The following FRK variants were observed in gnomAD, a reference collection of about 807,000 sequenced individuals.
FRK encodes fyn related Src family tyrosine kinase.
FRK carries 51 observed loss-of-function variants against 56.4 expected under a neutral mutation model. The observed-to-expected ratio is 0.90, with a 90% CI of 0.72 to 1.14. The LOEUF (loss-of-function observed/expected upper bound fraction) is 1.14, where lower values mean the gene tolerates loss of function less well. Among genes scored for constraint, FRK ranks in the 50% most tolerant of loss-of-function variants. The pLI, the probability that FRK is intolerant of heterozygous loss-of-function variation, is 0.00. For missense variants in FRK, 570 were observed against 601.4 expected (o/e 0.95, Z 0.55); for synonymous variants, 245 against 217.9 (o/e 1.12, Z -1.10).
chr6:116,070,008 CCTCA>C, the FRK span, among the ~76,000 whole-genome samples: 2 of 152,044 alleles, frequency 1.3e-5, no homozygotes, highest in Non-Finnish European at 2.9e-5. Flanking sequence ...ATCAGCAAAT[CCTCA>C]CTATCACCCA....
At chr6:116,013,339 T>C (rs1455785839) in intron 1 of FRK, among the ~76,000 whole-genome samples, 1 of 152,098 alleles carries the variant, frequency 6.6e-6, no homozygotes, top group African/African-American at 2.4e-5. Context: ...CTATCCTCTA[T>C]TTGGGGAAGA....
At chr6:115,988,544 A>G (rs1774471954) in intron 2 of FRK, among the ~76,000 whole-genome samples, 1 of 152,016 alleles carries the variant, frequency 6.6e-6, no homozygotes, top group Non-Finnish European at 1.5e-5. Flanking sequence ...AAAACAAACA[A>G]AGTTAACAAA....
intron 1 of FRK, among the ~76,000 whole-genome samples, chr6:116,057,978 G>A (rs1482988451): frequency 1.3e-5 from 2 of 151,992 alleles, no homozygotes; most frequent in Admixed American, 1.3e-4. Flanking sequence ...CACTACATAC[G>A]AACATAAGAG....
At chr6:115,945,216 TGG>T (rs1772375562) in intron 5 of FRK, among the ~76,000 whole-genome samples, 1 of 152,148 alleles carries the variant, frequency 6.6e-6, no homozygotes, top group African/African-American at 2.4e-5. Context: ...TATATTCCTT[TGG>T]TTATATATCC....
chr6:116,039,110 G>A (rs1041655978), intron 1 of FRK: 11 of 820,398 alleles, frequency 1.3e-5, no homozygotes, highest in Non-Finnish European at 2.2e-5. Context: ...TCTGGCAAAG[G>A]GACTCAGAGT....
intron 2 of FRK, among the ~76,000 whole-genome samples, chr6:115,974,974 C>T (rs951004175): frequency 2.6e-5 from 4 of 152,124 alleles, no homozygotes; most frequent in African/African-American, 9.7e-5. Flanking sequence ...GAGGTTGGCT[C>T]AGAGTAATCA....
intron 5 of FRK, among the ~76,000 whole-genome samples, chr6:115,945,300 A>C (rs1772380228): frequency 6.6e-6 from 1 of 152,164 alleles, no homozygotes; most frequent in Non-Finnish European, 1.5e-5. Context: ...TGTCTTCCAC[A>C]ATGGTTGAAC....
rs1341528271 is a variant in FRK, at chr6:116,060,237, C to T, written c.75G>A (p.Lys25=). The change falls in exon 1 of 8, where the codon AAG becomes AAA. Residue 25 remains lysine (K), a synonymous_variant. Transcript: ENST00000606080. ...CCCCTGGATTTTCAATCACGGTTGA[C>T]TTGTCTGCCTCCGTGGACAAACAGG... is the stretch of plus-strand genomic sequence containing the variant. ...YLPCLSTEAD[K]STVIENPGAL... 4.3e-6 allele frequency: 7 copies of T among 1,614,072 alleles called. No individual in the cohort carries two copies. In the East Asian group the frequency reaches 6.7e-5, roughly 15 times the overall value.
chr6:116,088,501 T>C, the FRK span, among the ~76,000 whole-genome samples: 9 of 152,334 alleles, frequency 5.9e-5, no homozygotes, highest in Non-Finnish European at 1.0e-4. Context: ...TGTCATAATC[T>C]CACCAAATAA....
chr6:116,092,833 ACACT>A, the FRK span, among the ~76,000 whole-genome samples: 1 of 152,164 alleles, frequency 6.6e-6, no homozygotes, highest in Admixed American at 6.5e-5. Context: ...CACATGGGAA[ACACT>A]CAGTCATCAA....
chr6:116,010,086 G>A (rs544912242), intron 1 of FRK, among the ~76,000 whole-genome samples: 26 of 152,116 alleles, frequency 1.7e-4, no homozygotes, highest in African/African-American at 4.8e-4. Context: ...ATAGCCAGGC[G>A]TGGTGGGCAC....
intron 1 of FRK, among the ~76,000 whole-genome samples, chr6:116,027,848 A>G: frequency 6.6e-6 from 1 of 151,954 alleles, no homozygotes; most frequent in East Asian, 1.9e-4. Context: ...AAAAAAAAAA[A>G]GGCTGATATA....
intron 1 of FRK, among the ~76,000 whole-genome samples, chr6:116,059,467 T>C (rs188632381): frequency 6.5e-4 from 99 of 152,328 alleles, no homozygotes; most frequent in Non-Finnish European, 1.2e-3. Flanking sequence ...TGTTGTCTTC[T>C]ACATTAGCCC....
At chr6:115,986,635 A>G (rs539431869) in intron 2 of FRK, among the ~76,000 whole-genome samples, 1 of 152,296 alleles carries the variant, frequency 6.6e-6, no homozygotes, top group South Asian at 2.1e-4. Flanking sequence ...TCTTCAGTTC[A>G]AGTTCTCTAC....
intron 2 of FRK, among the ~76,000 whole-genome samples, chr6:115,977,179 A>G (rs1774020982): frequency 6.6e-6 from 1 of 152,180 alleles, no homozygotes; most frequent in South Asian, 2.1e-4. Flanking sequence ...GTTATGTTGT[A>G]TCTCCCATTA....
At chr6:116,024,118 A>T (rs1775984818) in intron 1 of FRK, among the ~76,000 whole-genome samples, 1 of 151,002 alleles carries the variant, frequency 6.6e-6, no homozygotes, top group Admixed American at 6.6e-5. Flanking sequence ...GACCCATGTG[A>T]ATATAACTTT....
chr6:116,020,143 T>C (rs1775810347), intron 1 of FRK, among the ~76,000 whole-genome samples: 1 of 152,096 alleles, frequency 6.6e-6, no homozygotes, highest in Admixed American at 6.6e-5. Context: ...TAGAAAACAG[T>C]ATTACAAAAT....
At chr6:115,998,416 A>G (rs753665067) in intron 2 of FRK, among the ~76,000 whole-genome samples, 38 of 152,138 alleles carry the variant, frequency 2.5e-4, no homozygotes, top group Non-Finnish European at 4.0e-4. Context: ...TTTCCTTTCC[A>G]CACTTATTTT....
the FRK span, among the ~76,000 whole-genome samples, chr6:116,089,024 A>C: frequency 6.6e-6 from 1 of 152,222 alleles, no homozygotes; most frequent in Non-Finnish European, 1.5e-5. Flanking sequence ...AATTGGAATC[A>C]ATACATGAGG....
Sources: gnomAD v4.1 joint callset for allele counts (sites outside exome capture counted in the v4.1 genomes callset) on GRCh38, gnomAD v4.1.1 for gene constraint, MANE v1.5 for transcripts, NCBI Gene and HGNC (gene_info 2026-07-23, HGNC 2026-07-21) for gene names.